Variants in RALYL observed in about 807,000 individuals in gnomAD.
RALYL encodes RNA-binding Raly-like protein.
A neutral mutation model predicts 35.1 loss-of-function variants in RALYL; 29 were observed. That is an observed-to-expected ratio of 0.83 (90% confidence interval 0.61 to 1.13). The LOEUF is 1.13. RALYL is among the 50% of genes most tolerant of loss of function. The probability of loss-of-function intolerance (pLI) is 0.00; values close to 1 mark genes in which losing one functional copy is unlikely to be tolerated. For missense variants in RALYL, 359 were observed against 360.4 expected, an observed-to-expected ratio of 1.00 and a Z score of 0.03; for synonymous variants, 120 against 127.6, an observed-to-expected ratio of 0.94 and a Z score of 0.40.
intron 1 of RALYL, among the ~76,000 whole-genome samples, chr8:84,267,212 T>A (rs1375733536): frequency 2.0e-5 from 3 of 152,030 alleles, no homozygotes; most frequent in Admixed American, 2.0e-4. Flanking sequence ...GAAAGAAAAA[T>A]TATTTCATAG....
intron 1 of RALYL, among the ~76,000 whole-genome samples, chr8:84,458,976 A>C (rs1181168826): frequency 6.6e-6 from 1 of 151,724 alleles, no homozygotes; most frequent in African/African-American, 2.4e-5. Flanking sequence ...TAGGGAATAA[A>C]AATCATTATG....
intron 1 of RALYL, among the ~76,000 whole-genome samples, chr8:84,279,150 A>G (rs1008341943): frequency 2.0e-5 from 3 of 152,194 alleles, no homozygotes; most frequent in Admixed American, 6.5e-5. Flanking sequence ...GGGGAACTCC[A>G]TTTATAAAAC....
chr8:84,325,383 T>C (rs1845619909), intron 1 of RALYL, among the ~76,000 whole-genome samples: 1 of 152,220 alleles, frequency 6.6e-6, no homozygotes, highest in African/African-American at 2.4e-5. Context: ...GTAAAATCAC[T>C]ATTTATAACT....
rs573853695 is a variant in RALYL, at chr8:84,843,145, G to A, written c.366-6835G>A. On this transcript the variant is annotated intron_variant, in intron 4 of 8. Transcript: ENST00000521268. ...AATCAGGCAAGAGAAGGAAATAAAG[G>A]GTATTCAATTAGGAAAAGAGGAAGT... Among the ~76,000 whole-genome samples the A allele has an allele frequency of 7.9e-5, 12 of 152,214 alleles. No individual in the cohort carries two copies. In the Middle Eastern group the frequency reaches 0.017, roughly 216 times the overall value.
intron 2 of RALYL, among the ~76,000 whole-genome samples, chr8:84,668,771 A>C (rs1832593561): frequency 1.3e-5 from 2 of 152,074 alleles, no homozygotes; most frequent in Non-Finnish European, 2.9e-5. Flanking sequence ...AGTGAGACCA[A>C]AGTAGGGTAG....
intron 1 of RALYL, among the ~76,000 whole-genome samples, chr8:84,288,926 G>T (rs1838212776): frequency 6.6e-6 from 1 of 152,130 alleles, no homozygotes. Flanking sequence ...TGGCAAAGAA[G>T]ATTTTATTTA....
intron 2 of RALYL, among the ~76,000 whole-genome samples, chr8:84,723,822 C>T (rs1194770679): frequency 9.9e-5 from 15 of 151,730 alleles, no homozygotes; most frequent in Admixed American, 9.2e-4. Context: ...TTTTTCTATA[C>T]TCACCATTCC....
At position 84,339,245 on chromosome 8, in the gene RALYL, C is replaced by A. The variant is rs183199843; in HGVS notation, c.-24+154821C>A. On this transcript the variant is annotated intron_variant, in intron 1 of 8. Transcript: ENST00000521268. ...GGTCCACAATGCCCTGGCCATGAAC[C>A]AGTACCAGTTTGTGGCCTGTTGGGA... Among the ~76,000 whole-genome samples, 664 of 152,058 alleles carry A rather than the reference C, an allele frequency of 4.4e-3. 3 individuals are homozygous for A. The highest frequency in any genetic ancestry group is 7.0e-3 in the Non-Finnish European group (474 of 67,970).
chr8:84,711,903 T>C (rs1445099327), intron 2 of RALYL, among the ~76,000 whole-genome samples: 1 of 152,212 alleles, frequency 6.6e-6, no homozygotes. Context: ...ACAGAAGAAA[T>C]AATTTGTTAT....
At chr8:84,487,657 G>A (rs974707410) in intron 1 of RALYL, among the ~76,000 whole-genome samples, 4 of 152,018 alleles carry the variant, frequency 2.6e-5, no homozygotes, top group East Asian at 1.9e-4. Flanking sequence ...TGCAGCTTTC[G>A]AGCTGGAAAG....
chr8:84,582,681 C>T (rs1364183777), intron 2 of RALYL, among the ~76,000 whole-genome samples: 2 of 151,904 alleles, frequency 1.3e-5, no homozygotes, highest in Admixed American at 6.6e-5. Flanking sequence ...TGTTAGAAAG[C>T]ATCACTGAGC....
At chr8:84,703,971 T>A (rs890939143) in intron 2 of RALYL, among the ~76,000 whole-genome samples, 2 of 152,182 alleles carry the variant, frequency 1.3e-5, no homozygotes, top group Non-Finnish European at 2.9e-5. Context: ...AATGAGAGAA[T>A]GCATTCAAAT....
intron 2 of RALYL, among the ~76,000 whole-genome samples, chr8:84,549,253 G>A (rs907113985): frequency 2.6e-5 from 4 of 152,258 alleles, no homozygotes; most frequent in East Asian, 1.9e-4. Context: ...ACAACAAGCC[G>A]AAATGAAGAT....
intron 1 of RALYL, among the ~76,000 whole-genome samples, chr8:84,485,053 C>A (rs1052914631): frequency 2.6e-5 from 4 of 152,148 alleles, no homozygotes; most frequent in African/African-American, 9.7e-5. Context: ...TGTCCTCTTA[C>A]CTCTCTGCCG....
At chr8:84,603,491 G>A (rs1353979923) in intron 2 of RALYL, among the ~76,000 whole-genome samples, 2 of 151,952 alleles carry the variant, frequency 1.3e-5, no homozygotes, top group African/African-American at 4.8e-5. Flanking sequence ...TATTAAAAGA[G>A]TCAGAAAAGG....
rs1010626923 is a variant in RALYL, at chr8:84,538,758, T to G, written c.256+9181T>G. Among the ~76,000 whole-genome samples, 3 of 152,296 alleles carry G rather than the reference T, an allele frequency of 2.0e-5. No homozygotes were observed. The South Asian group carries it at 6.2e-4, about 32-fold the overall frequency. Reference sequence around the variant, plus strand: ...CATAAAAGGATGAAGTATTGTAAATTTATTTAAGAAAGGCTTATGCGCCAG... The same window carrying G: ...CATAAAAGGATGAAGTATTGTAAATGTATTTAAGAAAGGCTTATGCGCCAG... On this transcript the variant is annotated intron_variant, in intron 2 of 8. Coordinates refer to ENST00000521268, the MANE Select transcript of RALYL (RefSeq NM_173848.7).
At chr8:84,886,944 A>G (rs1318537110) in intron 7 of RALYL, among the ~76,000 whole-genome samples, 1 of 152,208 alleles carries the variant, frequency 6.6e-6, no homozygotes, top group Non-Finnish European at 1.5e-5. Context: ...CACTTTGCAC[A>G]GCATCACAAA....
chr8:84,545,688 G>T (rs1049854464), intron 2 of RALYL, among the ~76,000 whole-genome samples: 1 of 152,000 alleles, frequency 6.6e-6, no homozygotes, highest in East Asian at 1.9e-4. Context: ...CATAAATAGA[G>T]TATTTTCTCA....
intron 2 of RALYL, among the ~76,000 whole-genome samples, chr8:84,642,739 G>T (rs188070420): frequency 1.3e-5 from 2 of 151,944 alleles, no homozygotes; most frequent in African/African-American, 4.8e-5. Flanking sequence ...TAAGAAAAGC[G>T]AAAAAGAAAG....
Sources: gnomAD v4.1 joint callset for allele counts (sites outside exome capture counted in the v4.1 genomes callset) on GRCh38, gnomAD v4.1.1 for gene constraint, MANE v1.5 for transcripts, NCBI Gene and HGNC (gene_info 2026-07-23, HGNC 2026-07-21) for gene names.